The following NSD1 variants were observed in gnomAD, a reference collection of about 807,000 sequenced individuals.
NSD1 encodes histone-lysine N-methyltransferase, H3 lysine-36 specific.
NSD1 carries 26 observed loss-of-function variants against 242.7 expected under a neutral mutation model. That is an observed-to-expected ratio of 0.11 (90% confidence interval 0.08 to 0.15). The LOEUF is 0.15. NSD1 is among the 10% of genes least tolerant of loss of function. NSD1 has a pLI of 1.00. For synonymous variants in NSD1, 1,106 were observed against 1,178.1 expected, an observed-to-expected ratio of 0.94 and a Z score of 1.25; for missense variants, 2,495 against 3,272.8, an observed-to-expected ratio of 0.76 and a Z score of 5.80.
At chr5:177,251,647 GTTTAC>G in intron 11 of NSD1, 78 bp from the exon 12 acceptor site, 1 of 1,456,394 alleles carries the variant, frequency 6.9e-7, no homozygotes, top group Non-Finnish European at 9.6e-7. Flanking sequence ...TTTAACCTTT[GTTTAC>G]TTTAACCCAC....
chr5:177,265,888 G>A (rs1345227836), intron 14 of NSD1: 9 of 1,474,552 alleles, frequency 6.1e-6, no homozygotes, highest in African/African-American at 1.4e-5. Flanking sequence ...AGAACGGGGA[G>A]GTGAAGGTCA....
In NSD1 at chr5:177,211,682, G is replaced by A; in HGVS notation, c.3283G>A (p.Gly1095Ser). 1.2e-6 allele frequency: 2 copies of A among 1,614,006 alleles called. No homozygotes were observed. Among genetic ancestry groups the A allele is most frequent in the Non-Finnish European group, 1.7e-6 (2 of 1,180,008 alleles). The change falls in exon 5 of 23, where the codon GGC (glycine) becomes AGC (serine). Residue 1095 changes from glycine (G) to serine (S), a missense_variant. This residue lies in a region of NSD1 where 426 missense variants were observed against 411.4 expected (regional missense o/e 1.04). Transcript: ENST00000439151. The part of the protein sequence containing the change: ...PSKEDPLQIM[G>S]HLTSEDGDHF... Reference sequence around the variant, plus strand: ...TAAAGAGGATCCCCTTCAGATAATGGGCCACTTAACAAGTGAAGATGGTGA... The same window carrying A: ...TAAAGAGGATCCCCTTCAGATAATGAGCCACTTAACAAGTGAAGATGGTGA...
At chr5:177,206,661 G>A (rs571990045) in intron 4 of NSD1, among the ~76,000 whole-genome samples, 7 of 152,222 alleles carry the variant, frequency 4.6e-5, no homozygotes, top group African/African-American at 1.7e-4. Context: ...TGTGTTGTTA[G>A]GATGAAAGAG....
At chr5:177,251,946 A>G (rs1486224007) in intron 12 of NSD1, 93 bp downstream of exon 12, 3 of 1,484,614 alleles carry the variant, frequency 2.0e-6, no homozygotes, top group South Asian at 1.1e-5. Flanking sequence ...TTTTGTGGCA[A>G]CACTGGGCTA....
rs1385244326 is a variant in NSD1 at position 177,273,724 on chromosome 5, A to G, written c.5562A>G (p.Leu1854=). Residue 1854 remains leucine, a synonymous_variant, in exon 17 of 23, where the codon CTA becomes CTG. Transcript: ENST00000439151. ...RFEELKAQKE[L]RQLQEDRKND... ...AGGAATTAAAGGCCCAAAAAGAGCT[A>G]AGACAGCTGCAGGAAGACCGAAAGA... is the stretch of plus-strand genomic sequence containing the variant. 5 of 1,613,856 alleles carry G rather than the reference A, an allele frequency of 3.1e-6. No individual in the cohort carries two copies. The African/African-American group carries it at 6.7e-5, about 22-fold the overall frequency.
At chr5:177,187,784 C>G (rs562952978) in intron 2 of NSD1, among the ~76,000 whole-genome samples, 2 of 152,260 alleles carry the variant, frequency 1.3e-5, no homozygotes, top group Non-Finnish European at 2.9e-5. Flanking sequence ...AACAGTTGCA[C>G]TGAATTAAGG....
intron 17 of NSD1, among the ~76,000 whole-genome samples, chr5:177,275,228 A>G (rs1006144557): frequency 6.6e-6 from 1 of 151,694 alleles, no homozygotes; most frequent in African/African-American, 2.4e-5. Context: ...TGATAACCCT[A>G]CCGAAATCAG....
intron 5 of NSD1, among the ~76,000 whole-genome samples, chr5:177,235,242 T>TC (rs1765352930): frequency 6.6e-6 from 1 of 152,232 alleles, no homozygotes; most frequent in Non-Finnish European, 1.5e-5. Context: ...AAACTTTGTA[T>TC]AATGTAGAAA....
At chr5:177,264,076 G>C (rs552638633) in intron 14 of NSD1, among the ~76,000 whole-genome samples, 1 of 107,786 alleles carries the variant, frequency 9.3e-6, no homozygotes, top group Admixed American at 1.2e-4. Context: ...TGGCTGTGTC[G>C]TCAGGCTGGA....
At chr5:177,293,594 G>A (rs539931251) in intron 22 of NSD1, among the ~76,000 whole-genome samples, 1 of 125,246 alleles carries the variant, frequency 8.0e-6, no homozygotes, top group Admixed American at 1.1e-4. Flanking sequence ...TCTTCTGCTT[G>A]TATATTTAGT....
intron 22 of NSD1, 135 bp from the exon 23 acceptor site, chr5:177,293,697 G>A: frequency 1.1e-6 from 1 of 893,512 alleles, no homozygotes. Flanking sequence ...TGGCTGGTGA[G>A]TGGCATAAGC....
At chr5:177,190,794 C>T (rs1251911890) in intron 2 of NSD1, among the ~76,000 whole-genome samples, 7 of 151,192 alleles carry the variant, frequency 4.6e-5, no homozygotes, top group East Asian at 1.9e-4. Flanking sequence ...CTCAGCCTCC[C>T]GAGTAGCTGG....
intron 2 of NSD1, among the ~76,000 whole-genome samples, chr5:177,147,489 G>C (rs1042577292): frequency 1.3e-5 from 2 of 152,122 alleles, no homozygotes; most frequent in Admixed American, 1.3e-4. Context: ...AGATAAACAT[G>C]AGTCATACAG....
At chr5:177,274,463 T>G (rs1240759724) in intron 17 of NSD1, among the ~76,000 whole-genome samples, 1 of 152,212 alleles carries the variant, frequency 6.6e-6, no homozygotes, top group Non-Finnish European at 1.5e-5. Context: ...CAAACCTCAA[T>G]TACTTTTGCA....
At chr5:177,266,368 T>A in intron 14 of NSD1, 1 of 685,752 alleles carries the variant, frequency 1.5e-6, no homozygotes, top group East Asian at 3.1e-5. Flanking sequence ...GGGCCCGGCC[T>A]TGGCGGCGAA....
At chr5:177,270,224 T>C (rs906434003) in intron 16 of NSD1, among the ~76,000 whole-genome samples, 4 of 152,116 alleles carry the variant, frequency 2.6e-5, no homozygotes, top group Admixed American at 2.0e-4. Context: ...TCACCAGATA[T>C]TGTAGAACAA....
chr5:177,139,499 C>G (rs1047740589), intron 2 of NSD1, among the ~76,000 whole-genome samples: 1 of 149,556 alleles, frequency 6.7e-6, no homozygotes, highest in Non-Finnish European at 1.5e-5. Flanking sequence ...GTAAGCAATA[C>G]AGCTTGAGAA....
At chr5:177,164,734 A>G (rs1205403701) in intron 2 of NSD1, among the ~76,000 whole-genome samples, 1 of 152,074 alleles carries the variant, frequency 6.6e-6, no homozygotes, top group East Asian at 1.9e-4. Flanking sequence ...ACCTGAGGTC[A>G]GAAGTTCAAG....
chr5:177,192,953 A>G (rs138497947), intron 3 of NSD1, among the ~76,000 whole-genome samples: 192 of 152,300 alleles, frequency 1.3e-3, no homozygotes, highest in Non-Finnish European at 2.2e-3. Context: ...TCAGGTTTGT[A>G]TCATTTTTTA....
Sources: gnomAD v4.1 joint callset for allele counts (sites outside exome capture counted in the v4.1 genomes callset) on GRCh38, gnomAD v4.1.1 for gene constraint, gnomAD v4.1.1 regional missense constraint, MANE v1.5 for transcripts, NCBI Gene and HGNC (gene_info 2026-07-23, HGNC 2026-07-21) for gene names.